SCFD2: variants seen among roughly 807,000 people sequenced by gnomAD.
SCFD2 encodes the protein sec1 family domain-containing protein 2.
Under a neutral mutation model 58.9 loss-of-function variants are expected in SCFD2, and 54 were observed. The observed-to-expected ratio is 0.92, with a 90% CI of 0.74 to 1.15. The LOEUF is 1.15. Among genes scored for constraint, SCFD2 ranks in the 50% most tolerant of loss-of-function variants. SCFD2 has a pLI of 0.00. For missense variants in SCFD2, 805 were observed against 836.6 expected (o/e 0.96, Z 0.47); for synonymous variants, 321 against 335.9 (o/e 0.96, Z 0.49).
chr4:53,279,158 A>G (rs1731431685), intron 3 of SCFD2, among the ~76,000 whole-genome samples: 1 of 152,266 alleles, frequency 6.6e-6, no homozygotes, highest in South Asian at 2.1e-4. Flanking sequence ...GGTTATTTAA[A>G]AATGTCAACC....
intron 8 of SCFD2, among the ~76,000 whole-genome samples, chr4:52,878,485 T>A (rs1364655097): frequency 6.6e-6 from 1 of 152,250 alleles, no homozygotes; most frequent in East Asian, 1.9e-4. Context: ...TAAGTATGTT[T>A]GCATCTTAGG....
intron 4 of SCFD2, among the ~76,000 whole-genome samples, chr4:53,180,574 A>G (rs1341317764): frequency 6.6e-6 from 1 of 152,210 alleles, no homozygotes; most frequent in Admixed American, 6.5e-5. Context: ...TGACACCCTA[A>G]CATCACAATT....
intron 5 of SCFD2, among the ~76,000 whole-genome samples, chr4:53,099,804 C>T (rs1724779333): frequency 6.6e-6 from 1 of 152,108 alleles, no homozygotes; most frequent in Admixed American, 6.6e-5. Flanking sequence ...ACCTCCAACA[C>T]CGGGGATCAA....
At chr4:53,058,129 T>C (rs1325297383) in intron 5 of SCFD2, among the ~76,000 whole-genome samples, 1 of 152,154 alleles carries the variant, frequency 6.6e-6, no homozygotes, top group Non-Finnish European at 1.5e-5. Context: ...TAATTACAAA[T>C]ATGATTAATT....
At chr4:53,093,472 ATTC>A (rs1270890250) in intron 5 of SCFD2, among the ~76,000 whole-genome samples, 2 of 152,164 alleles carry the variant, frequency 1.3e-5, no homozygotes, top group Non-Finnish European at 2.9e-5. Flanking sequence ...TGATCCAGGA[ATTC>A]TTCTTCTAGG....
chr4:53,113,727 G>A (rs945548122), intron 5 of SCFD2, among the ~76,000 whole-genome samples: 3 of 151,986 alleles, frequency 2.0e-5, no homozygotes, highest in Non-Finnish European at 4.4e-5. Context: ...CACACTACCT[G>A]ACATAATTCT....
chr4:53,222,675 A>G (rs1229727119), intron 4 of SCFD2, among the ~76,000 whole-genome samples: 2 of 152,086 alleles, frequency 1.3e-5, no homozygotes, highest in African/African-American at 4.8e-5. Context: ...GCCCAGAGTA[A>G]GTCAATTCTA....
At position 52,873,269 on chromosome 4, in the gene SCFD2, G is replaced by A. The variant is rs573970744; in HGVS notation, c.*700C>T. ...CTTGTACTGGAGTCTTTCTTTGGAG[G>A]GGAGAAAACCTTTTATATACAGATA... On this transcript the variant is annotated 3_prime_UTR_variant, in exon 9 of 9. Transcript: ENST00000401642. The A allele has an allele frequency of 6.6e-6, 1 of 152,178 alleles. No homozygotes were observed. Among genetic ancestry groups the A allele is most frequent in the Admixed American group, 6.5e-5 (1 of 15,272 alleles). The allele number at this position is 152,178 out of a possible 1,614,324, so 9.4% of individuals were successfully genotyped here. A position where few individuals can be genotyped will look rare whatever the true frequency, so the allele number is the denominator to read the frequency against.
At chr4:53,208,438 T>A (rs908765344) in intron 4 of SCFD2, among the ~76,000 whole-genome samples, 2 of 152,204 alleles carry the variant, frequency 1.3e-5, no homozygotes. Context: ...CTGCATGTTA[T>A]CTCTTAATAC....
chr4:53,181,986 C>G (rs1349912717), intron 4 of SCFD2, among the ~76,000 whole-genome samples: 1 of 152,146 alleles, frequency 6.6e-6, no homozygotes, highest in African/African-American at 2.4e-5. Flanking sequence ...CAAACCACTG[C>G]TCAAGGAAAT....
chr4:52,900,021 C>T (rs1020168703), intron 7 of SCFD2, among the ~76,000 whole-genome samples: 6 of 152,160 alleles, frequency 3.9e-5, no homozygotes, highest in African/African-American at 1.4e-4. Context: ...AAGGACTTCT[C>T]TGCATTGGTT....
At chr4:53,315,955 C>T (rs568852313) in intron 2 of SCFD2, among the ~76,000 whole-genome samples, 1 of 152,198 alleles carries the variant, frequency 6.6e-6, no homozygotes, top group East Asian at 1.9e-4. Context: ...AACCATGCTC[C>T]TCCTCACCCA....
intron 4 of SCFD2, among the ~76,000 whole-genome samples, chr4:53,173,337 C>A (rs1368687278): frequency 6.6e-6 from 1 of 152,118 alleles, no homozygotes; most frequent in Non-Finnish European, 1.5e-5. Flanking sequence ...ATTGCTTTTG[C>A]ACCCTGATAA....
chr4:53,081,195 C>A (rs911972901), intron 5 of SCFD2, among the ~76,000 whole-genome samples: 2 of 152,096 alleles, frequency 1.3e-5, no homozygotes, highest in African/African-American at 4.8e-5. Flanking sequence ...ATAATCTATC[C>A]TTTATATCCT....
intron 6 of SCFD2, among the ~76,000 whole-genome samples, chr4:52,912,436 T>C (rs1270885085): frequency 6.6e-6 from 1 of 152,178 alleles, no homozygotes; most frequent in Non-Finnish European, 1.5e-5. Flanking sequence ...TTTTTAATTG[T>C]AACCAAAAGC....
chr4:52,916,537 G>T (rs1719612418), intron 6 of SCFD2, among the ~76,000 whole-genome samples: 1 of 152,222 alleles, frequency 6.6e-6, no homozygotes, highest in African/African-American at 2.4e-5. Flanking sequence ...TTGCGCCACT[G>T]CACTCCAGCT....
chr4:52,985,771 T>G (rs1322800535), intron 5 of SCFD2, among the ~76,000 whole-genome samples: 1 of 141,386 alleles, frequency 7.1e-6, no homozygotes, highest in Non-Finnish European at 1.5e-5. Context: ...AAGGTCAAGT[T>G]TTTTTGAAAG....
chr4:53,131,746 T>C (rs1725791637), intron 5 of SCFD2, among the ~76,000 whole-genome samples: 1 of 152,228 alleles, frequency 6.6e-6, no homozygotes, highest in Admixed American at 6.5e-5. Flanking sequence ...CGCTGTGCTC[T>C]TTTCCACCAC....
At chr4:53,332,683 G>C (rs1057080671) in intron 2 of SCFD2, among the ~76,000 whole-genome samples, 5 of 152,012 alleles carry the variant, frequency 3.3e-5, no homozygotes, top group Non-Finnish European at 5.9e-5. Context: ...TTTGAAAACT[G>C]GCACAAGACA....
Sources: gnomAD v4.1 joint callset for allele counts (sites outside exome capture counted in the v4.1 genomes callset) on GRCh38, gnomAD v4.1.1 for gene constraint, MANE v1.5 for transcripts, NCBI Gene and HGNC (gene_info 2026-07-23, HGNC 2026-07-21) for gene names.